Variants in ARK2N observed in about 807,000 individuals in gnomAD.
The protein encoded by ARK2N is arkadia (RNF111) N-terminal like PKA signaling regulator 2N, also known as protein ARK2N.
chr18:46,234,419 G>A, the ARK2N span, among the ~76,000 whole-genome samples: 2 of 152,004 alleles, frequency 1.3e-5, no homozygotes, highest in African/African-American at 2.4e-5. Flanking sequence ...GGCTGGTCTC[G>A]AACTCCAGAT....
At chr18:46,255,696 C>G in the ARK2N span, among the ~76,000 whole-genome samples, 1 of 151,780 alleles carries the variant, frequency 6.6e-6, no homozygotes, top group African/African-American at 2.4e-5. Context: ...GGTGATCCAC[C>G]CACCTCGGCC....
chr18:46,176,951 A>G, the ARK2N span, among the ~76,000 whole-genome samples: 6 of 152,188 alleles, frequency 3.9e-5, no homozygotes, highest in Admixed American at 6.5e-5. Context: ...GAGTCTCCCT[A>G]TGTTGCCCAG....
At chr18:46,243,700 G>A in the ARK2N span, among the ~76,000 whole-genome samples, 1 of 152,154 alleles carries the variant, frequency 6.6e-6, no homozygotes, top group Non-Finnish European at 1.5e-5. Flanking sequence ...ACACTGTAGT[G>A]GGTGATTTTG....
the ARK2N span, among the ~76,000 whole-genome samples, chr18:46,213,386 TC>T: frequency 0.017 from 2,649 of 151,974 alleles, 72 homozygotes; most frequent in African/African-American, 0.06. Flanking sequence ...AAAATCTTTG[TC>T]CCCCCCACTG....
At chr18:46,226,255 G>A in the ARK2N span, among the ~76,000 whole-genome samples, 1 of 152,220 alleles carries the variant, frequency 6.6e-6, no homozygotes, top group Non-Finnish European at 1.5e-5. Context: ...TGTAGGAAAA[G>A]CAGATTAGAC....
chr18:46,199,330 T>C, the ARK2N span, among the ~76,000 whole-genome samples: 1 of 152,046 alleles, frequency 6.6e-6, no homozygotes, highest in South Asian at 2.1e-4. Flanking sequence ...ATTTTATTTT[T>C]TTGAGATGGA....
At chr18:46,264,156 G>C in the ARK2N span, 1 of 152,586 alleles carries the variant, frequency 6.6e-6, no homozygotes, top group East Asian at 1.9e-4. Context: ...ACCATAAGAA[G>C]AATCAGAATG....
the ARK2N span, chr18:46,173,848 G>A: frequency 6.6e-6 from 1 of 152,316 alleles, no homozygotes; most frequent in Admixed American, 6.5e-5. Context: ...GAAGGAGGGA[G>A]CGCGGGAAAG....
chr18:46,180,342 A>G, the ARK2N span, among the ~76,000 whole-genome samples: 1 of 152,228 alleles, frequency 6.6e-6, no homozygotes, highest in Non-Finnish European at 1.5e-5. Context: ...CATATGTGGT[A>G]TTTATACCTG....
the ARK2N span, among the ~76,000 whole-genome samples, chr18:46,227,287 T>G: frequency 6.6e-6 from 1 of 152,228 alleles, no homozygotes; most frequent in African/African-American, 2.4e-5. Context: ...AGATCTTCGA[T>G]GTCTCAATAT....
At chr18:46,234,783 C>A in the ARK2N span, among the ~76,000 whole-genome samples, 2 of 152,142 alleles carry the variant, frequency 1.3e-5, no homozygotes, top group Non-Finnish European at 2.9e-5. Context: ...GATAACAGAA[C>A]CGGGCCTAGG....
chr18:46,260,980 A>G, the ARK2N span, among the ~76,000 whole-genome samples: 2 of 152,178 alleles, frequency 1.3e-5, no homozygotes, highest in Non-Finnish European at 1.5e-5. Flanking sequence ...AGCAATACAG[A>G]TAAACAATTG....
chr18:46,175,674 T>A, the ARK2N span, among the ~76,000 whole-genome samples: 1 of 152,176 alleles, frequency 6.6e-6, no homozygotes, highest in African/African-American at 2.4e-5. Context: ...AGCTAATTTT[T>A]GTATTTTTAG....
the ARK2N span, among the ~76,000 whole-genome samples, chr18:46,187,774 A>G: frequency 6.6e-6 from 1 of 152,274 alleles, no homozygotes; most frequent in South Asian, 2.1e-4. Flanking sequence ...TGGTGCTAGG[A>G]TAGTACATAA....
chr18:46,196,777 C>T, the ARK2N span, among the ~76,000 whole-genome samples: 3 of 152,146 alleles, frequency 2.0e-5, no homozygotes, highest in African/African-American at 4.8e-5. Flanking sequence ...CTTGAGGCTT[C>T]AGTTATTTGT....
the ARK2N span, among the ~76,000 whole-genome samples, chr18:46,211,098 G>A: frequency 6.6e-6 from 1 of 152,144 alleles, no homozygotes; most frequent in Non-Finnish European, 1.5e-5. Context: ...GAGTCGTCAG[G>A]CATAAAATGT....
the ARK2N span, among the ~76,000 whole-genome samples, chr18:46,221,473 T>C: frequency 2.0e-5 from 3 of 148,336 alleles, no homozygotes; most frequent in African/African-American, 7.5e-5. Flanking sequence ...GGCAGGAGAA[T>C]CACTTGAACC....
At chr18:46,186,085 T>C in the ARK2N span, among the ~76,000 whole-genome samples, 13 of 152,198 alleles carry the variant, frequency 8.5e-5, no homozygotes, top group Non-Finnish European at 1.3e-4. Flanking sequence ...TGTTTAGGTA[T>C]AGAATAGGCA....
the ARK2N span, among the ~76,000 whole-genome samples, chr18:46,187,516 A>G: frequency 1.3e-5 from 2 of 151,516 alleles, no homozygotes; most frequent in African/African-American, 4.8e-5. Context: ...TACTTTTTGT[A>G]TTTTTAGTAG....
Sources: allele counts gnomAD v4.1 joint callset (sites outside exome capture counted in the v4.1 genomes callset), GRCh38; gene constraint gnomAD v4.1.1; transcripts MANE v1.5; gene names NCBI Gene and HGNC (gene_info 2026-07-23, HGNC 2026-07-21).